Variants in DUOX1 observed in about 807,000 individuals in gnomAD.
DUOX1 encodes dual oxidase 1.
In DUOX1, 134 loss-of-function variants were observed where a neutral mutation model predicts 181.8. The observed-to-expected ratio is 0.74, with a 90% CI of 0.64 to 0.85. DUOX1 has a LOEUF of 0.85. DUOX1 is among the 40% of genes least tolerant of loss of function. The pLI, the probability that DUOX1 is intolerant of heterozygous loss-of-function variation, is 0.00. For missense variants in DUOX1, 1,814 were observed against 2,064.4 expected, an observed-to-expected ratio of 0.88 and a Z score of 2.35; for synonymous variants, 798 against 832.5, an observed-to-expected ratio of 0.96 and a Z score of 0.71.
intron 27 of DUOX1, chr15:45,155,337 G>A (rs1896943600): frequency 1.3e-5 from 2 of 154,728 alleles, no homozygotes; most frequent in Non-Finnish European, 2.9e-5. Flanking sequence ...GGCCAAGGTG[G>A]GCGGATCACC....
In DUOX1 at chr15:45,135,101, C is replaced by A; in HGVS notation, c.308-3C>A. 6.2e-7 allele frequency: 1 copy of A among 1,613,572 alleles called. No homozygotes were observed. Among genetic ancestry groups the A allele is most frequent in the Non-Finnish European group, 8.5e-7 (1 of 1,179,840 alleles). On this transcript the variant is annotated splice_region_variant and splice_polypyrimidine_tract_variant and intron_variant, in intron 4 of 33. Transcript: ENST00000389037. ...CTAGCACCCCCTCCTGCACTGCCCGCAGGCTATCACGTGCTTTCAGACCTG... is the reference window on the plus strand; with the variant it reads ...CTAGCACCCCCTCCTGCACTGCCCGAAGGCTATCACGTGCTTTCAGACCTG...
chr15:45,130,307 G>A (rs986872849), intron 1 of DUOX1, among the ~76,000 whole-genome samples: 7 of 152,234 alleles, frequency 4.6e-5, no homozygotes, highest in Non-Finnish European at 1.0e-4. Context: ...GAGAGACTGG[G>A]TTCTTTGGGA....
chr15:45,132,090 C>A (rs1896173221), intron 2 of DUOX1, 66 bp downstream of exon 2: 3 of 1,372,968 alleles, frequency 2.2e-6, no homozygotes, highest in Non-Finnish European at 3.0e-6. Flanking sequence ...TGGGCTCCCC[C>A]AAGGACAGGA....
chr15:45,148,682 C>A, intron 21 of DUOX1: 1 of 222,736 alleles, frequency 4.5e-6, no homozygotes, highest in Non-Finnish European at 7.9e-6. Flanking sequence ...GGAAAGGACC[C>A]AAAAAGGTGA....
At chr15:45,164,047 G>A in intron 33 of DUOX1, 129 bp downstream of exon 33, 1 of 1,396,552 alleles carries the variant, frequency 7.2e-7, no homozygotes, top group South Asian at 1.4e-5. Flanking sequence ...GATTGGTGGG[G>A]TAATGGAATG....
Position 45,165,010 on chromosome 15 carries a change from C to A in DUOX1, c.*109C>A. On this transcript the variant is annotated 3_prime_UTR_variant, in exon 34 of 34. Transcript: ENST00000389037. ...TGCCTCAGCCTTCTCTGATTTCCCACCTCCCAACCTTGTTCCAGGTGGCCA... is the reference window on the plus strand; with the variant it reads ...TGCCTCAGCCTTCTCTGATTTCCCAACTCCCAACCTTGTTCCAGGTGGCCA... 2.3e-6 allele frequency: 3 copies of A among 1,290,952 alleles called. No individual in the cohort carries two copies. The highest frequency in any genetic ancestry group is 3.3e-6 in the Non-Finnish European group (3 of 914,382). 80.0% of individuals were successfully genotyped at this position (1,290,952 alleles called of 1,614,324 possible).
intron 16 of DUOX1, among the ~76,000 whole-genome samples, 154 bp downstream of exon 16, chr15:45,143,457 C>T (rs1378744910): frequency 6.6e-6 from 1 of 152,212 alleles, no homozygotes; most frequent in East Asian, 1.9e-4. Context: ...GACATGGAGT[C>T]CTGCAGCCTC....
At chr15:45,137,786 T>G in intron 9 of DUOX1, 138 bp from the exon 10 acceptor site, 1 of 592,904 alleles carries the variant, frequency 1.7e-6, no homozygotes, top group Non-Finnish European at 2.9e-6. Flanking sequence ...CTCCAGGATG[T>G]GCTAAGGTCC....
At chr15:45,145,327 T>G (rs1896623481) in intron 18 of DUOX1, among the ~76,000 whole-genome samples, 1 of 152,306 alleles carries the variant, frequency 6.6e-6, no homozygotes, top group African/African-American at 2.4e-5. Context: ...ATGTGTTGCT[T>G]ATCGCTCTCC....
rs1322929923 is a variant in DUOX1 at position 45,144,041 on chromosome 15, G to T, written c.1942G>T (p.Glu648Ter). ...CCCTGTCTCTCTCCCCCTAGCTTTG[G>T]AATGGCAAGGCCACAAGGAGCCCTG... ...EKLVGGMEALEWQGHKEPCRP... is the reference protein window; with the variant it reads ...EKLVGGMEAL Residue 648 changes from glutamate to a stop codon, truncating the protein, a stop_gained, in exon 17 of 34, where the codon GAA becomes TAA. Coordinates refer to ENST00000389037, the MANE Select transcript of DUOX1 (RefSeq NM_175940.3). LOFTEE classifies it high-confidence loss of function. 1 of 1,613,830 alleles carries T rather than the reference G, an allele frequency of 6.2e-7. No individual in the cohort carries two copies. Among genetic ancestry groups the T allele is most frequent in the Non-Finnish European group, 8.5e-7 (1 of 1,180,014 alleles).
At chr15:45,150,038 G>A (rs2141283543) in intron 21 of DUOX1, among the ~76,000 whole-genome samples, 1 of 152,262 alleles carries the variant, frequency 6.6e-6, no homozygotes, top group Middle Eastern at 3.4e-3. Context: ...TTCAGGCTTG[G>A]TTCAGCACTT....
intron 27 of DUOX1, among the ~76,000 whole-genome samples, chr15:45,154,327 C>T (rs1348808175): frequency 6.6e-6 from 1 of 152,190 alleles, no homozygotes; most frequent in Non-Finnish European, 1.5e-5. Flanking sequence ...AATACACACA[C>T]ATACCCTAAC....
At position 45,146,977 on chromosome 15, in the gene DUOX1, T is replaced by C. The variant is rs1030529396; in HGVS notation, c.2323-456T>C. ...TACACATAAATAAGAGAAACCCCAA[T>C]AAGCTAGCATTGACAAAGGGTCACT... On this transcript the variant is annotated intron_variant, in intron 18 of 33. Transcript: ENST00000389037. 1.3e-5 allele frequency among the ~76,000 whole-genome samples: 2 copies of C among 152,154 alleles called. 1 individual carries two copies. Among genetic ancestry groups the C allele is most frequent in the Admixed American group, 1.3e-4 (2 of 15,272 alleles).
chr15:45,142,253 G>A lies in DUOX1; in HGVS notation c.1822+141G>A, dbSNP rs1896519155. ...GTAGGAGAATGAAACATTAGAGGAG[G>A]AAGGGACAAGAGAAGTGTTTGACCT... On this transcript the variant is annotated intron_variant, in intron 15 of 33. Coordinates refer to ENST00000389037, the MANE Select transcript of DUOX1 (RefSeq NM_175940.3). The A allele has an allele frequency of 3.0e-6, 3 of 1,015,494 alleles. No homozygotes were observed. The South Asian group carries it at 4.8e-5, about 16-fold the overall frequency. The allele number at this position is 1,015,494 out of a possible 1,614,324, so 62.9% of individuals were successfully genotyped here. A position where few individuals can be genotyped will look rare whatever the true frequency, so the allele number is the denominator to read the frequency against.
intron 9 of DUOX1, 103 bp from the exon 10 acceptor site, chr15:45,137,821 C>T (rs1031613391): frequency 2.3e-6 from 2 of 885,558 alleles, no homozygotes; most frequent in Non-Finnish European, 3.4e-6. Flanking sequence ...CTCGGAAAGA[C>T]GATGGCCTGG....
chr15:45,148,433 A>G lies in DUOX1; in HGVS notation c.2804A>G (p.Gln935Arg). 2 of 1,612,764 alleles carry G rather than the reference A, an allele frequency of 1.2e-6. No homozygotes were observed. The highest frequency in any genetic ancestry group is 1.7e-6 in the Non-Finnish European group (2 of 1,179,026). The change falls in exon 21 of 34, where the codon CAG becomes CGG. Residue 935 changes from glutamine (Q) to arginine (R), a missense_variant. By Grantham distance (43) the Gln-to-Arg change is conservative (BLOSUM62 1). Around this residue, in one of 5 missense-constraint regions of DUOX1, gnomAD observed 1,064 missense variants for 1,152.9 expected, o/e 0.92. Coordinates refer to ENST00000389037, the MANE Select transcript of DUOX1 (RefSeq NM_175940.3). Reference protein sequence around the residue: ...RDHNSELRFTQLCVKGVEVPE... With the variant: ...RDHNSELRFTRLCVKGVEVPE... ...CACAATAGCGAGCTCCGCTTCACGC[A>G]GCTCTGTGTCAAAGGTGGGGCAGCC...
intron 4 of DUOX1, 98 bp downstream of exon 4, chr15:45,134,407 G>A (rs1896232884): frequency 1.5e-6 from 2 of 1,341,034 alleles, no homozygotes; most frequent in South Asian, 3.0e-5. Context: ...GTGATGGAAG[G>A]CCTAAGGGAT....
chr15:45,141,705 G>C (rs1896495594), intron 14 of DUOX1, among the ~76,000 whole-genome samples: 1 of 152,034 alleles, frequency 6.6e-6, no homozygotes, highest in Non-Finnish European at 1.5e-5. Flanking sequence ...ATATTAGGAG[G>C]GCTCAGTGCA....
At chr15:45,137,347 T>G (rs1477538020) in intron 9 of DUOX1, among the ~76,000 whole-genome samples, 3 of 85,650 alleles carry the variant, frequency 3.5e-5, no homozygotes, top group Admixed American at 2.0e-4. Context: ...ACAACAAGAG[T>G]GAAACTCCAT....
Sources: allele counts gnomAD v4.1 joint callset (sites outside exome capture counted in the v4.1 genomes callset), GRCh38; gene constraint gnomAD v4.1.1; regional missense constraint gnomAD v4.1.1; transcripts MANE v1.5; gene names NCBI Gene and HGNC (gene_info 2026-07-23, HGNC 2026-07-21).